The following TPR variants were observed in gnomAD, a reference collection of about 807,000 sequenced individuals.
TPR encodes the protein nucleoprotein TPR.
Under a neutral mutation model 316.1 loss-of-function variants are expected in TPR, and 51 were observed. The observed-to-expected ratio is 0.16, with a 90% confidence interval of 0.13 to 0.20. The LOEUF (loss-of-function observed/expected upper bound fraction) is 0.20, where lower values mean the gene tolerates loss of function less well. Ranked by LOEUF, TPR falls within the 10% of genes least tolerant of loss-of-function variation. The probability of loss-of-function intolerance (pLI) is 1.00; values close to 1 mark genes in which losing one functional copy is unlikely to be tolerated. For missense variants in TPR, 2,272 were observed against 2,754.8 expected (o/e 0.82, Z 3.92); for synonymous variants, 981 against 914.7 (o/e 1.07, Z -1.31).
intron 4 of TPR, among the ~76,000 whole-genome samples, chr1:186,367,246 T>C (rs1289757534): frequency 2.6e-5 from 4 of 152,034 alleles, no homozygotes; most frequent in Non-Finnish European, 5.9e-5. Context: ...CTGTTATTTT[T>C]AGTAGAGACG....
chr1:186,357,955 T>G (rs1488698349), intron 13 of TPR, among the ~76,000 whole-genome samples: 1 of 152,164 alleles, frequency 6.6e-6, no homozygotes, highest in East Asian at 1.9e-4. Context: ...GTATATATGA[T>G]AGGGCAGAGC....
rs1277629324 is a variant in TPR at position 186,374,871 on chromosome 1, C to G, written c.151+7G>C. On this transcript the variant is annotated splice_region_variant and intron_variant, in intron 1 of 50. Coordinates refer to ENST00000367478, the MANE Select transcript of TPR (RefSeq NM_003292.3). ...AAAACCAAGGACGGAAAGAGCATCT[C>G]ACTTACCGCTCTCCACCTTAAATTT... is the stretch of plus-strand genomic sequence containing the variant. 6.3e-7 allele frequency: 1 copy of G among 1,591,764 alleles called. No homozygotes were observed. The highest frequency in any genetic ancestry group is 1.1e-5 in the South Asian group (1 of 90,074).
In TPR at chr1:186,326,482, C is replaced by T. The variant is rs990532165; in HGVS notation, c.5890-247G>A. On this transcript the variant is annotated intron_variant, in intron 40 of 50. Coordinates refer to ENST00000367478, the MANE Select transcript of TPR (RefSeq NM_003292.3). The stretch of plus-strand genomic sequence containing the variant: ...TGAGATTGCTCAAAGATAATATAGA[C>T]CTCAGGTGTCAGCAAAATATCAAGT... 7.2e-5 allele frequency among the ~76,000 whole-genome samples: 11 copies of T among 152,114 alleles called. No homozygotes were observed. The East Asian group carries it at 2.1e-3, about 29-fold the overall frequency.
In TPR at chr1:186,359,985, A is replaced by C. The variant is rs1456376624; in HGVS notation, c.1203T>G (p.Ala401=). ...PGMKLTELYN[A]YVETQDQLLL... ...GCAACTGATCCTGAGTTTCCACATA[A>C]GCATTATAGAGCTGAAAGTAGACAA... The change falls in exon 12 of 51, where the codon GCT becomes GCG. Residue 401 remains alanine, a synonymous_variant. Coordinates refer to ENST00000367478, the MANE Select transcript of TPR (RefSeq NM_003292.3). The C allele has an allele frequency of 2.5e-6, 4 of 1,604,670 alleles. No individual in the cohort carries two copies. The highest frequency in any genetic ancestry group is 1.7e-5 in the Admixed American group (1 of 57,306).
At chr1:186,364,835 A>G (rs183357293) in intron 4 of TPR, among the ~76,000 whole-genome samples, 1 of 152,306 alleles carries the variant, frequency 6.6e-6, no homozygotes, top group East Asian at 1.9e-4. Context: ...TATTAGTAAG[A>G]AAGAGAAGGG....
intron 37 of TPR, among the ~76,000 whole-genome samples, 166 bp from the exon 38 acceptor site, chr1:186,332,509 T>C (rs1181573714): frequency 6.6e-6 from 1 of 152,136 alleles, no homozygotes; most frequent in Non-Finnish European, 1.5e-5. Context: ...TCCATCAACA[T>C]AATTTGTTTC....
intron 10 of TPR, 41 bp from the exon 11 acceptor site, chr1:186,360,405 C>T (rs1185996012): frequency 6.3e-7 from 1 of 1,597,716 alleles, no homozygotes; most frequent in Admixed American, 1.7e-5. Context: ...TTGTAAAATT[C>T]CAAACTAAAA....
chr1:186,317,873 C>A (rs1487596286), intron 48 of TPR, among the ~76,000 whole-genome samples: 1 of 152,062 alleles, frequency 6.6e-6, no homozygotes, highest in Non-Finnish European at 1.5e-5. Flanking sequence ...CAAGGATGTT[C>A]ACATTCTTGA....
chr1:186,321,756 C>T (rs938765622), intron 45 of TPR, among the ~76,000 whole-genome samples: 3 of 152,018 alleles, frequency 2.0e-5, no homozygotes, highest in African/African-American at 7.3e-5. Context: ...CTCTATTATC[C>T]TTCTACATTG....
At chr1:186,345,819 G>A (rs1658660362) in intron 23 of TPR, 123 bp from the exon 24 acceptor site, 1 of 707,146 alleles carries the variant, frequency 1.4e-6, no homozygotes, top group South Asian at 2.0e-5. Context: ...AAAAACTGCT[G>A]CTAAATTTAA....
chr1:186,358,655 A>G lies in TPR; in HGVS notation c.1390-5T>C. The G allele has an allele frequency of 6.2e-7, 1 of 1,609,882 alleles. No homozygotes were observed. Among genetic ancestry groups the G allele is most frequent in the Non-Finnish European group, 8.5e-7 (1 of 1,178,342 alleles). On this transcript the variant is annotated splice_polypyrimidine_tract_variant and splice_region_variant and intron_variant, in intron 12 of 50. Transcript: ENST00000367478. ...CTCCTGCAATCGCTGAATCTCCTTT[A>G]AAATGTAAATTCAAGTGAAAATTTT...
rs1236635319 is a variant in TPR, at chr1:186,312,389, G to A, written c.*1582C>T. On this transcript the variant is annotated 3_prime_UTR_variant, in exon 51 of 51. Coordinates refer to ENST00000367478, the MANE Select transcript of TPR (RefSeq NM_003292.3). Reference sequence around the variant, plus strand: ...AAGACAAAGGTAACATTTTTATTGTGTTAAAAAAATCCTTAAACATAAGTA... The same window carrying A: ...AAGACAAAGGTAACATTTTTATTGTATTAAAAAAATCCTTAAACATAAGTA... The A allele has an allele frequency of 6.3e-7, 1 of 1,592,926 alleles. No homozygotes were observed. Among genetic ancestry groups the A allele is most frequent in the Non-Finnish European group, 8.5e-7 (1 of 1,169,830 alleles).
Position 186,360,778 on chromosome 1 carries a change from G to A in TPR, c.1086C>T (p.Ala362=), listed in dbSNP as rs1459631486. The A allele has an allele frequency of 6.2e-7, 1 of 1,612,758 alleles. No homozygotes were observed. The highest frequency in any genetic ancestry group is 1.7e-5 in the Admixed American group (1 of 59,914). ...TATTAGCCATACCTTTACGTTTTGT[G>A]GCAGAAAGAAGGTCATTTGCATTCT... is the stretch of plus-strand genomic sequence containing the variant. ...ELENANDLLS[A]TKRKGAILSE... Residue 362 remains alanine, a synonymous_variant, in exon 10 of 51, where the codon GCC becomes GCT. Transcript: ENST00000367478.
intron 4 of TPR, among the ~76,000 whole-genome samples, chr1:186,367,354 C>G (rs927241760): frequency 6.6e-6 from 1 of 152,126 alleles, no homozygotes; most frequent in Non-Finnish European, 1.5e-5. Context: ...CGTCAGCCAC[C>G]GTGCCTGGGC....
intron 12 of TPR, 63 bp from the exon 13 acceptor site, chr1:186,358,713 A>T (rs1659097554): frequency 7.4e-7 from 1 of 1,353,192 alleles, no homozygotes; most frequent in Non-Finnish European, 1.0e-6. Flanking sequence ...CAAGTAATAA[A>T]GACATACAAT....
chr1:186,351,350 T>C lies in TPR; in HGVS notation c.2590A>G (p.Thr864Ala), dbSNP rs369102227. 9.3e-6 allele frequency: 15 copies of C among 1,610,978 alleles called. No individual in the cohort carries two copies. The African/African-American group carries it at 1.9e-4, about 20-fold the overall frequency. ...KLENEVEQRH[T>A]LTRNLDVQLL... ...CTCACATCTAGATTTCTAGTAAGTGTATGCCTTTGTTCCACCTCATTTTCC... is the reference window on the plus strand; with the variant it reads ...CTCACATCTAGATTTCTAGTAAGTGCATGCCTTTGTTCCACCTCATTTTCC... Residue 864 changes from threonine to alanine, a missense_variant, in exon 20 of 51, where the codon ACA becomes GCA. Thr to Ala is a moderately conservative substitution (Grantham distance 58). Coordinates refer to ENST00000367478, the MANE Select transcript of TPR (RefSeq NM_003292.3).
At chr1:186,336,924 A>G (rs1658355903) in intron 32 of TPR, 89 bp downstream of exon 32, 3 of 1,562,828 alleles carry the variant, frequency 1.9e-6, no homozygotes, top group Non-Finnish European at 2.6e-6. Flanking sequence ...CCATTCCCAC[A>G]TGGTAAGACA....
intron 50 of TPR, 69 bp from the exon 51 acceptor site, chr1:186,314,095 C>A: frequency 1.4e-6 from 2 of 1,420,250 alleles, no homozygotes; most frequent in South Asian, 1.2e-5. Context: ...TTCACTTACC[C>A]TAGTTCATTA....
At chr1:186,319,527 A>T (rs1657711375) in intron 46 of TPR, among the ~76,000 whole-genome samples, 1 of 152,186 alleles carries the variant, frequency 6.6e-6, no homozygotes, top group Non-Finnish European at 1.5e-5. Context: ...TTAACATACA[A>T]AGTCACAAAA....
Sources: gnomAD v4.1 joint callset for allele counts (sites outside exome capture counted in the v4.1 genomes callset) on GRCh38, gnomAD v4.1.1 for gene constraint, MANE v1.5 for transcripts, NCBI Gene and HGNC (gene_info 2026-07-23, HGNC 2026-07-21) for gene names.